The following COL9A3 variants were observed in gnomAD, a reference collection of about 807,000 sequenced individuals.
COL9A3 encodes the protein collagen alpha-3(IX) chain.
A neutral mutation model predicts 110.2 loss-of-function variants in COL9A3; 82 were observed. That is an observed-to-expected ratio of 0.74 (90% confidence interval 0.62 to 0.89). The LOEUF (loss-of-function observed/expected upper bound fraction) is 0.89. COL9A3 is among the 40% of genes least tolerant of loss of function. The pLI is 0.00. For synonymous variants in COL9A3, 494 were observed against 403.8 expected (o/e 1.22, Z -2.68); for missense variants, 1,066 against 981.3 (o/e 1.09, Z -1.15).
chr20:62,829,399 C>T (rs1326612031), intron 19 of COL9A3, 56 bp from the exon 20 acceptor site: 2 of 1,608,630 alleles, frequency 1.2e-6, no homozygotes, highest in Non-Finnish European at 1.7e-6. Flanking sequence ...CCCCTGGGTG[C>T]TGCTGCCGGC....
Position 62,833,090 on chromosome 20 carries a change from TACCAAC to T in COL9A3, c.1368+28_1368+33del. 1.9e-6 allele frequency: 3 copies of T among 1,597,594 alleles called. No homozygotes were observed. In the South Asian group the frequency reaches 3.3e-5, roughly 18 times the overall value. ...GTGAGTAATTAGGTAACCTCACTGT[TACCAAC>T]AGCTGGGAGCGAGGTCGCCACTGTG... On this transcript the variant is annotated intron_variant, in intron 26 of 31. Coordinates refer to ENST00000649368, the MANE Select transcript of COL9A3 (RefSeq NM_001853.4).
At chr20:62,828,012 C>G (rs1165364257) in intron 17 of COL9A3, 36 bp downstream of exon 17, 1 of 1,610,706 alleles carries the variant, frequency 6.2e-7, no homozygotes, top group Non-Finnish European at 8.5e-7. Context: ...ATGCTCCTCC[C>G]CCGGGTCCTG....
chr20:62,839,935 A>C (rs1600814614), intron 31 of COL9A3, among the ~76,000 whole-genome samples: 2 of 151,926 alleles, frequency 1.3e-5, no homozygotes, highest in South Asian at 4.2e-4. Context: ...CTCTGCCTCT[A>C]CCTGGTGTCC....
chr20:62,817,616 C>T lies in COL9A3; in HGVS notation c.128C>T (p.Pro43Leu), dbSNP rs936146646. ...PPGPPGPPGK[P>L]GQDGIDGEAG... is the part of the protein sequence containing the mutation. The stretch of plus-strand genomic sequence containing the variant: ...GGCCCCCCAGGGCCGCCCGGGAAGC[C>T]CGGCCAGGACGGCATTGACGTGAGT... Residue 43 changes from proline (P) to leucine (L), a missense_variant, in exon 2 of 32, where the codon CCC (proline) becomes CTC (leucine). Transcript: ENST00000649368. 2 of 1,546,104 alleles carry T rather than the reference C, an allele frequency of 1.3e-6. No individual in the cohort carries two copies. The highest frequency in any genetic ancestry group is 1.7e-6 in the Non-Finnish European group (2 of 1,144,894).
rs771415281 is a variant in COL9A3, at chr20:62,827,251, G to A, written c.803G>A (p.Gly268Asp). ...PGAPGKAGDR[G>D]ERGPEGFRGP... ...CCTCATCCTTTCCAGGGTGACCGAGGCGAGAGGGGCCCAGAAGGGTTCCGC... is the reference window on the plus strand; with the variant it reads ...CCTCATCCTTTCCAGGGTGACCGAGACGAGAGGGGCCCAGAAGGGTTCCGC... The change falls in exon 16 of 32, where the codon GGC becomes GAC. Residue 268 changes from glycine (G) to aspartate (D), a missense_variant. Gly to Asp is a moderately conservative substitution (Grantham distance 94, BLOSUM62 -1). Transcript: ENST00000649368. 6 of 1,613,168 alleles carry A rather than the reference G, an allele frequency of 3.7e-6. No individual in the cohort carries two copies. The South Asian group carries it at 4.4e-5, about 12-fold the overall frequency.
chr20:62,819,312 C>T lies in COL9A3; in HGVS notation c.255+19C>T, dbSNP rs1568747932. The T allele has an allele frequency of 6.3e-7, 1 of 1,594,616 alleles. No homozygotes were observed. The highest frequency in any genetic ancestry group is 8.5e-7 in the Non-Finnish European group (1 of 1,169,770). ...TGTGGATGTGAGTGCGCCTGCCCCT[C>T]CCCGCCATGCCCCACTCCCCGCTCC... On this transcript the variant is annotated intron_variant, in intron 4 of 31. Coordinates refer to ENST00000649368, the MANE Select transcript of COL9A3 (RefSeq NM_001853.4).
Position 62,821,491 on chromosome 20 carries a change from A to C in COL9A3, c.346-16A>C, listed in dbSNP as rs1419487695. 1.2e-6 allele frequency: 2 copies of C among 1,612,822 alleles called. No individual in the cohort carries two copies. Among genetic ancestry groups the C allele is most frequent in the South Asian group, 1.1e-5 (1 of 91,078 alleles). On this transcript the variant is annotated splice_polypyrimidine_tract_variant and intron_variant, in intron 6 of 31. Coordinates refer to ENST00000649368, the MANE Select transcript of COL9A3 (RefSeq NM_001853.4). ...CTTGTGCCTGGCAGGCTCTGACCCC[A>C]TGTTTGGCTTTGCAGGGCAAAGGCC...
intron 5 of COL9A3, among the ~76,000 whole-genome samples, chr20:62,820,708 G>C (rs1244940490): frequency 6.6e-6 from 1 of 152,176 alleles, no homozygotes; most frequent in Non-Finnish European, 1.5e-5. Flanking sequence ...GGGGCCTCCA[G>C]CCTCAGCACA....
chr20:62,822,862 C>T (rs934678204), intron 10 of COL9A3, among the ~76,000 whole-genome samples: 3 of 152,186 alleles, frequency 2.0e-5, no homozygotes, highest in Non-Finnish European at 4.4e-5. Flanking sequence ...CTGCACTGTC[C>T]CTCATGAAGC....
intron 25 of COL9A3, among the ~76,000 whole-genome samples, chr20:62,832,405 C>T (rs548210444): frequency 3.9e-5 from 6 of 152,242 alleles, no homozygotes; most frequent in Admixed American, 1.3e-4. Flanking sequence ...AGGCACGCCC[C>T]GGCATCCGCC....
intron 20 of COL9A3, 53 bp downstream of exon 20, chr20:62,829,552 G>C: frequency 5.8e-6 from 9 of 1,551,964 alleles, no homozygotes; most frequent in African/African-American, 1.4e-5. Flanking sequence ...GGGCCGGGAG[G>C]CAAGGGGCTG....
intron 19 of COL9A3, 69 bp downstream of exon 19, chr20:62,829,045 G>A: frequency 6.6e-7 from 1 of 1,515,944 alleles, no homozygotes. Flanking sequence ...CCCATGTTGG[G>A]CTGGGTGGGT....
rs1040407236 is a variant in COL9A3, at chr20:62,838,571, C to A, written c.1787-113C>A. 10 of 984,856 alleles carry A rather than the reference C, an allele frequency of 1.0e-5. No individual in the cohort carries two copies. The Admixed American group carries it at 1.4e-4, about 14-fold the overall frequency. The allele number at this position is 984,856 out of a possible 1,614,324, so 61.0% of individuals were successfully genotyped here. A position where few individuals can be genotyped will look rare whatever the true frequency, so the allele number is the denominator to read the frequency against. Reference sequence around the variant, plus strand: ...GACATCTGTACTTTTCTAAATGTTTCCACTTCAGTGAAAAGCTGGCACCCT... The same window carrying A: ...GACATCTGTACTTTTCTAAATGTTTACACTTCAGTGAAAAGCTGGCACCCT... On this transcript the variant is annotated intron_variant, in intron 30 of 31. Transcript: ENST00000649368.
intron 1 of COL9A3, 131 bp downstream of exon 1, chr20:62,817,273 C>G: frequency 1.5e-6 from 1 of 670,800 alleles, no homozygotes; most frequent in Non-Finnish European, 2.1e-6. Context: ...CGCGGAGTCG[C>G]CAGCGCCTCG....
rs753631418 is a variant in COL9A3, at chr20:62,836,315, G to T, written c.1530G>T (p.Thr510=). The change falls in exon 28 of 32, where the codon ACG becomes ACT. Residue 510 remains threonine (T), a synonymous_variant. Coordinates refer to ENST00000649368, the MANE Select transcript of COL9A3 (RefSeq NM_001853.4). ...LQGVPGVPGI[T]GKPGVPGKEA... is the part of the protein sequence containing the mutation. ...GCGTCCCGGGTGTTCCTGGCATCAC[G>T]GGGAAGCCGGGAGTTCCGGTACGTC... The T allele has an allele frequency of 6.2e-7, 1 of 1,613,786 alleles. No individual in the cohort carries two copies. Among genetic ancestry groups the T allele is most frequent in the South Asian group, 1.1e-5 (1 of 91,088 alleles).
upstream of COL9A3, chr20:62,816,442 A>G (rs1214780160): frequency 6.6e-6 from 1 of 152,320 alleles, no homozygotes; most frequent in African/African-American, 2.4e-5. Flanking sequence ...CTTAGCCGGT[A>G]GCAACTGACG....
intron 26 of COL9A3, among the ~76,000 whole-genome samples, chr20:62,834,985 C>G (rs1195823679): frequency 2.6e-5 from 4 of 152,234 alleles, no homozygotes; most frequent in Admixed American, 2.6e-4. Flanking sequence ...CCCTGGAAAT[C>G]CCAGAAGCTG....
intron 18 of COL9A3, 25 bp from the exon 19 acceptor site, chr20:62,828,898 C>T (rs746918694): frequency 2.0e-5 from 32 of 1,612,334 alleles, no homozygotes; most frequent in African/African-American, 1.6e-4. Context: ...CCTCCCCTTC[C>T]GCACCCCAAT....
At chr20:62,820,203 A>G (rs914055245) in intron 5 of COL9A3, among the ~76,000 whole-genome samples, 15 of 151,972 alleles carry the variant, frequency 9.9e-5, no homozygotes, top group Admixed American at 3.3e-4. Flanking sequence ...TTGTCCTGGT[A>G]TCCAGACCAT....
Sources: gnomAD v4.1 joint callset for allele counts (sites outside exome capture counted in the v4.1 genomes callset) on GRCh38, gnomAD v4.1.1 for gene constraint, MANE v1.5 for transcripts, NCBI Gene and HGNC (gene_info 2026-07-23, HGNC 2026-07-21) for gene names.